Variants in OTULIN observed in about 807,000 individuals in gnomAD.
The protein encoded by OTULIN is ubiquitin thioesterase otulin.
Under a neutral mutation model 39.6 loss-of-function variants are expected in OTULIN, and 15 were observed. The observed-to-expected ratio is 0.38, with a 90% CI of 0.25 to 0.58. The LOEUF is 0.58. Ranked by LOEUF, OTULIN falls within the 20% of genes least tolerant of loss-of-function variation. The pLI, the probability that OTULIN is intolerant of heterozygous loss-of-function variation, is 0.66. For synonymous variants in OTULIN, 156 were observed against 170.3 expected (o/e 0.92, Z 0.65); for missense variants, 319 against 445.9 (o/e 0.72, Z 2.56).
intron 3 of OTULIN, 43 bp from the exon 4 acceptor site, chr5:14,681,421 A>G: frequency 3.8e-6 from 6 of 1,563,270 alleles, no homozygotes; most frequent in Non-Finnish European, 5.2e-6. Flanking sequence ...TGCTATCTCA[A>G]GTCAGTAACG....
chr5:14,667,472 A>C (rs1476914317), intron 1 of OTULIN, among the ~76,000 whole-genome samples: 2 of 152,208 alleles, frequency 1.3e-5, no homozygotes, highest in Non-Finnish European at 2.9e-5. Flanking sequence ...TTCTGGGCTC[A>C]AGCGATCCTC....
At chr5:14,713,530 C>T in the OTULIN span, 1 of 1,613,958 alleles carries the variant, frequency 6.2e-7, no homozygotes. This position sits in a 1 kb window ranked among gnomAD's most constrained non-coding sequence, Gnocchi z 4.4. Context: ...GCCCCAAACT[C>T]CCTGACAACA....
chr5:14,710,628 G>A, the OTULIN span: 1 of 162,550 alleles, frequency 6.2e-6, no homozygotes, highest in Non-Finnish European at 1.4e-5. Flanking sequence ...GGGACTCCGG[G>A]CTGCAGCGTG....
chr5:14,667,241 AC>A (rs1447186405), intron 1 of OTULIN, among the ~76,000 whole-genome samples: 3 of 152,234 alleles, frequency 2.0e-5, no homozygotes, highest in African/African-American at 7.2e-5. Context: ...GGCTGTGGTG[AC>A]GAGTAGAGAA....
chr5:14,706,116 G>C, the OTULIN span: 1 of 152,156 alleles, frequency 6.6e-6, no homozygotes, highest in African/African-American at 2.4e-5. Flanking sequence ...CCTAGTTCTT[G>C]TGTGCTTTTG....
intron 1 of OTULIN, among the ~76,000 whole-genome samples, chr5:14,671,288 C>G (rs935514376): frequency 6.6e-6 from 1 of 151,998 alleles, no homozygotes; most frequent in African/African-American, 2.4e-5. Context: ...AGATTTTGCT[C>G]GAAGTACAGT....
At chr5:14,665,016 C>A in intron 1 of OTULIN, 39 bp downstream of exon 1, 2 of 1,034,434 alleles carry the variant, frequency 1.9e-6, no homozygotes, top group Non-Finnish European at 2.3e-6. Flanking sequence ...CCGTGGGCGG[C>A]GGGCTCGGTC....
intron 3 of OTULIN, among the ~76,000 whole-genome samples, chr5:14,679,449 A>G (rs1376921998): frequency 1.3e-5 from 2 of 152,214 alleles, no homozygotes; most frequent in African/African-American, 4.8e-5. Context: ...ATTGCTCAAA[A>G]ACAGTCAAAT....
intron 6 of OTULIN, among the ~76,000 whole-genome samples, chr5:14,691,479 T>C (rs1205339030): frequency 1.3e-5 from 2 of 152,188 alleles, no homozygotes; most frequent in East Asian, 3.8e-4. Context: ...GTTACTTACG[T>C]CTCCTGAACC....
chr5:14,669,560 C>T (rs945491046), intron 1 of OTULIN, among the ~76,000 whole-genome samples: 1 of 152,092 alleles, frequency 6.6e-6, no homozygotes, highest in Non-Finnish European at 1.5e-5. Context: ...TCTCTTGAGC[C>T]CAGGACTTTG....
Position 14,664,795 on chromosome 5 carries a change from C to T in OTULIN, c.-31C>T. 2 of 1,193,452 alleles carry T rather than the reference C, an allele frequency of 1.7e-6. No individual in the cohort carries two copies. The highest frequency in any genetic ancestry group is 2.1e-6 in the Non-Finnish European group (2 of 961,778). 73.9% of individuals were successfully genotyped at this position (1,193,452 alleles called of 1,614,324 possible). A position where few individuals can be genotyped will look rare whatever the true frequency, so the allele number is the denominator to read the frequency against. On this transcript the variant is annotated 5_prime_UTR_variant, in exon 1 of 7. Transcript: ENST00000284274. The stretch of plus-strand genomic sequence containing the variant: ...GGAGGGGCTCCGGATCGTTCGGAGC[C>T]GGCTGAACCCCTTCGGCCGCGAGCG...
chr5:14,701,814 C>T (rs1736801504), downstream of OTULIN, among the ~76,000 whole-genome samples: 1 of 152,082 alleles, frequency 6.6e-6, no homozygotes, highest in South Asian at 2.1e-4. Context: ...GGTGCCCACC[C>T]GTGTTAAGTG....
chr5:14,712,895 C>T, the OTULIN span: 59 of 1,611,860 alleles, frequency 3.7e-5, no homozygotes, highest in Non-Finnish European at 4.4e-5. Context: ...AGACATAGCA[C>T]GCAGCGATGG....
the OTULIN span, chr5:14,704,936 ATC>A: frequency 6.6e-6 from 1 of 152,230 alleles, no homozygotes; most frequent in Non-Finnish European, 1.5e-5. Context: ...AAAAACTTCC[ATC>A]TGTTAGATAC....
At chr5:14,687,814 A>T in intron 5 of OTULIN, 168 bp downstream of exon 5, 1 of 708,030 alleles carries the variant, frequency 1.4e-6, no homozygotes, top group Admixed American at 3.1e-5. Flanking sequence ...GGCTTTAGTA[A>T]AATGGGAAGT....
In OTULIN at chr5:14,664,850, C is replaced by A. The variant is rs867025741; in HGVS notation, c.25C>A (p.Pro9Thr). Residue 9 changes from proline to threonine, a missense_variant, in exon 1 of 7, where the codon CCC becomes ACC. Coordinates refer to ENST00000284274, the MANE Select transcript of OTULIN (RefSeq NM_138348.6). ...CATGAGTCGGGGGACTATGCCCCAG[C>A]CCGAAGCGTGGCCAGGCGCGAGCTG... Reference protein sequence around the residue: MSRGTMPQPEAWPGASCAE... With the variant: MSRGTMPQTEAWPGASCAE... The A allele has an allele frequency of 8.2e-7, 1 of 1,214,168 alleles. No individual in the cohort carries two copies. The highest frequency in any genetic ancestry group is 1.0e-6 in the Non-Finnish European group (1 of 975,698). 75.2% of individuals were successfully genotyped at this position (1,214,168 alleles called of 1,614,324 possible).
rs1736587884 is a variant in OTULIN, at chr5:14,693,495, G to C, written c.*447G>C. On this transcript the variant is annotated 3_prime_UTR_variant, in exon 7 of 7. Transcript: ENST00000284274. ...TTCCTATACAGTCTGCTTTAACTCA[G>C]GACCTTGAGATTATGAGACTGACGT... The C allele has an allele frequency of 6.5e-6, 1 of 153,882 alleles. No homozygotes were observed. Among genetic ancestry groups the C allele is most frequent in the South Asian group, 2.0e-4 (1 of 4,948 alleles). 9.5% of individuals were successfully genotyped at this position (153,882 alleles called of 1,614,324 possible). A position where few individuals can be genotyped will look rare whatever the true frequency, so the allele number is the denominator to read the frequency against.
chr5:14,701,689 A>G (rs960042111), downstream of OTULIN, among the ~76,000 whole-genome samples: 7 of 152,140 alleles, frequency 4.6e-5, no homozygotes, highest in Admixed American at 3.9e-4. Context: ...ACTCCTGCAG[A>G]AGGAGGCCGG....
At position 14,692,924 on chromosome 5, in the gene OTULIN, C is replaced by T. The variant is rs763486377; in HGVS notation, c.935C>T (p.Thr312Met). Residue 312 changes from threonine (T) to methionine (M), a missense_variant, in exon 7 of 7, where the codon ACG becomes ATG. Physicochemically the swap from Thr to Met is moderately conservative, Grantham distance 81. Transcript: ENST00000284274. ...IQVYRLSKYN[T>M]EEFITVYPTD... is the part of the protein sequence containing the mutation. ...GTGTACCGGCTCTCCAAGTACAACA[C>T]GGAAGAATTCATCACAGTCTACCCC... The T allele has an allele frequency of 8.1e-6, 13 of 1,614,174 alleles. No individual in the cohort carries two copies. Among genetic ancestry groups the T allele is most frequent in the East Asian group, 2.2e-5 (1 of 44,880 alleles).
Sources: allele counts gnomAD v4.1 joint callset (sites outside exome capture counted in the v4.1 genomes callset), GRCh38; gene constraint gnomAD v4.1.1; non-coding constraint Gnocchi (gnomAD v3.1); transcripts MANE v1.5; gene names NCBI Gene and HGNC (gene_info 2026-07-23, HGNC 2026-07-21).